Variants in PTPRD observed in about 807,000 individuals in gnomAD.
PTPRD encodes the protein receptor-type tyrosine-protein phosphatase delta.
PTPRD carries 34 observed loss-of-function variants against 214.5 expected under a neutral mutation model. That is an observed-to-expected ratio of 0.16 (90% CI 0.12 to 0.21). PTPRD has a LOEUF of 0.21. Among genes scored for constraint, PTPRD ranks in the 10% least tolerant of loss-of-function variants. PTPRD has a pLI of 1.00. For synonymous variants in PTPRD, 1,128 were observed against 845.7 expected, an observed-to-expected ratio of 1.33 and a Z score of -5.79; for missense variants, 2,545 against 2,398.7, an observed-to-expected ratio of 1.06 and a Z score of -1.27.
intron 10 of PTPRD, among the ~76,000 whole-genome samples, chr9:9,091,763 T>C (rs1339711105): frequency 3.9e-5 from 6 of 152,204 alleles, no homozygotes; most frequent in Non-Finnish European, 5.9e-5. Flanking sequence ...GTAAAGTCTG[T>C]ACTCCATTGA....
chr9:10,198,067 CTATT>C (rs2099404887), intron 3 of PTPRD, among the ~76,000 whole-genome samples: 1 of 152,042 alleles, frequency 6.6e-6, no homozygotes, highest in Non-Finnish European at 1.5e-5. Context: ...AAAAGCTTCT[CTATT>C]AAATAGAAGA....
intron 37 of PTPRD, among the ~76,000 whole-genome samples, chr9:8,377,649 T>A (rs547503766): frequency 1.7e-3 from 264 of 152,112 alleles, no homozygotes; most frequent in African/African-American, 6.2e-3. Context: ...CCAACTGAAA[T>A]ACATTTCTCT....
chr9:10,068,293 C>T (rs2097920479), intron 3 of PTPRD, among the ~76,000 whole-genome samples: 1 of 151,850 alleles, frequency 6.6e-6, no homozygotes, highest in African/African-American at 2.4e-5. Flanking sequence ...CTTTCAGGAA[C>T]TTGGCCTTTT....
chr9:10,515,902 T>G (rs565678940), intron 2 of PTPRD, among the ~76,000 whole-genome samples: 1 of 151,934 alleles, frequency 6.6e-6, no homozygotes, highest in Admixed American at 6.6e-5. Flanking sequence ...TTGTCACATA[T>G]GGCAGAATTT....
intron 4 of PTPRD, among the ~76,000 whole-genome samples, chr9:9,950,983 G>A (rs2093402359): frequency 6.6e-6 from 1 of 152,070 alleles, no homozygotes; most frequent in African/African-American, 2.4e-5. Flanking sequence ...AGAATTTGGG[G>A]GCTGGATTAC....
chr9:8,553,666 T>C (rs1009584513), intron 14 of PTPRD, among the ~76,000 whole-genome samples: 3 of 152,254 alleles, frequency 2.0e-5, no homozygotes, highest in African/African-American at 7.2e-5. Flanking sequence ...TCATCGCTTC[T>C]CAGCCTTTTG....
intron 11 of PTPRD, among the ~76,000 whole-genome samples, chr9:8,961,702 G>C (rs2099159696): frequency 6.6e-6 from 1 of 152,090 alleles, no homozygotes; most frequent in Non-Finnish European, 1.5e-5. Context: ...ACCCTTCTAA[G>C]CAGAAATATT....
intron 10 of PTPRD, among the ~76,000 whole-genome samples, chr9:9,139,674 T>G (rs1413912272): frequency 6.6e-6 from 1 of 152,156 alleles, no homozygotes; most frequent in Non-Finnish European, 1.5e-5. Flanking sequence ...ATCATGCTTC[T>G]CAGAATGGTG....
chr9:9,329,768 T>C (rs1374013375), intron 9 of PTPRD, among the ~76,000 whole-genome samples: 1 of 152,242 alleles, frequency 6.6e-6, no homozygotes, highest in Non-Finnish European at 1.5e-5. Flanking sequence ...CTTCAGATAC[T>C]ACTTCATATT....
intron 2 of PTPRD, among the ~76,000 whole-genome samples, chr9:10,402,110 G>T (rs2098278930): frequency 6.6e-6 from 1 of 151,602 alleles, no homozygotes; most frequent in African/African-American, 2.4e-5. Context: ...GGTATAAAAT[G>T]TAAATGGTGT....
intron 4 of PTPRD, among the ~76,000 whole-genome samples, chr9:10,025,432 G>C (rs530099822): frequency 5.3e-5 from 8 of 152,234 alleles, no homozygotes; most frequent in African/African-American, 1.9e-4. Context: ...AATTTTGCCT[G>C]AGAATGATAA....
chr9:8,498,220 G>A (rs1269888087), intron 25 of PTPRD, among the ~76,000 whole-genome samples: 12 of 152,118 alleles, frequency 7.9e-5, no homozygotes, highest in African/African-American at 2.9e-4. Flanking sequence ...AAGACTTTGG[G>A]GGTAAGTACT....
chr9:9,043,652 C>A (rs201819554), intron 10 of PTPRD, among the ~76,000 whole-genome samples: 1 of 152,138 alleles, frequency 6.6e-6, no homozygotes, highest in East Asian at 1.9e-4. Context: ...ACCTGTAATC[C>A]CAGCACTTTG....
chr9:9,584,712 A>C (rs1335781685), intron 7 of PTPRD, among the ~76,000 whole-genome samples: 19 of 151,830 alleles, frequency 1.3e-4, no homozygotes, highest in Non-Finnish European at 1.5e-5. Context: ...CCCCCTTTTC[A>C]GTCCTGAATT....
At chr9:9,893,880 A>C (rs2074171707) in intron 5 of PTPRD, among the ~76,000 whole-genome samples, 1 of 151,894 alleles carries the variant, frequency 6.6e-6, no homozygotes, top group South Asian at 2.1e-4. Flanking sequence ...GAATGCAGTG[A>C]CATGATCATA....
At chr9:9,674,329 T>A (rs914472901) in intron 7 of PTPRD, among the ~76,000 whole-genome samples, 1 of 151,366 alleles carries the variant, frequency 6.6e-6, no homozygotes, top group Non-Finnish European at 1.5e-5. Context: ...CATCAAAGAA[T>A]CAAAGTAGGT....
intron 36 of PTPRD, among the ~76,000 whole-genome samples, chr9:8,402,701 T>G (rs1010738835): frequency 6.6e-6 from 1 of 151,262 alleles, no homozygotes; most frequent in African/African-American, 2.4e-5. Context: ...CAAAAAAACC[T>G]GTATTTTTTC....
At chr9:8,401,709 T>C (rs10977049) in intron 36 of PTPRD, among the ~76,000 whole-genome samples, 16,548 of 152,130 alleles carry the variant, frequency 0.11, 1,913 homozygotes, top group East Asian at 0.51. Flanking sequence ...ACACTTGCTC[T>C]ACTAAACAAA....
At chr9:10,560,481 C>T (rs150339351) in intron 2 of PTPRD, among the ~76,000 whole-genome samples, 13,376 of 151,982 alleles carry the variant, frequency 0.088, 713 homozygotes, top group Middle Eastern at 0.14. Flanking sequence ...GTGGGTGCAG[C>T]GCACCAGCAT....
Sources: allele counts gnomAD v4.1 joint callset (sites outside exome capture counted in the v4.1 genomes callset), GRCh38; gene constraint gnomAD v4.1.1; transcripts MANE v1.5; gene names NCBI Gene and HGNC (gene_info 2026-07-23, HGNC 2026-07-21).